NEGR1: variants seen among roughly 807,000 people sequenced by gnomAD.
The protein encoded by NEGR1 is neuronal growth regulator 1, also known as IgLON family member 4.
NEGR1 carries 10 observed loss-of-function variants against 40.9 expected under a neutral mutation model. The ratio of observed to expected loss-of-function variants is 0.24; its 90% CI spans 0.15 to 0.42. NEGR1 has a LOEUF of 0.42. Among genes scored for constraint, NEGR1 ranks in the 10% least tolerant of loss-of-function variants. NEGR1 has a pLI of 1.00. For missense variants in NEGR1, 352 were observed against 438.9 expected (o/e 0.80, Z 1.77); for synonymous variants, 185 against 166.8 (o/e 1.11, Z -0.84).
At chr1:72,047,468 C>A (rs1482134290) in intron 1 of NEGR1, among the ~76,000 whole-genome samples, 1 of 151,200 alleles carries the variant, frequency 6.6e-6, no homozygotes, top group East Asian at 1.9e-4. Context: ...TTAAAATATG[C>A]AAATTTTAAT....
At position 71,548,250 on chromosome 1, in the gene NEGR1, T is replaced by A. The variant is rs150457855; in HGVS notation, c.940+44567A>T. 2.6e-4 allele frequency among the ~76,000 whole-genome samples: 39 copies of A among 151,822 alleles called. No homozygotes were observed. In the East Asian group the frequency reaches 5.3e-3, roughly 21 times the overall value. On this transcript the variant is annotated intron_variant, in intron 6 of 6. Coordinates refer to ENST00000357731, the MANE Select transcript of NEGR1 (RefSeq NM_173808.3). ...TCAAAACATAACTAATACAGCTCCATCACTTATTTTCTGGAGATGGGGCTG... is the reference window on the plus strand; with the variant it reads ...TCAAAACATAACTAATACAGCTCCAACACTTATTTTCTGGAGATGGGGCTG...
At position 71,789,625 on chromosome 1, in the gene NEGR1, T is replaced by TA. The variant is rs571358683; in HGVS notation, c.410-13329dup. On this transcript the variant is annotated intron_variant, in intron 2 of 6. Coordinates refer to ENST00000357731, the MANE Select transcript of NEGR1 (RefSeq NM_173808.3). The stretch of plus-strand genomic sequence containing the variant: ...GTATAAAATATTTTCATATCCCAGA[T>TA]AAAAAATATCATGTATTTTTACTTT... Among the ~76,000 whole-genome samples, 394 of 152,214 alleles carry TA rather than the reference T, an allele frequency of 2.6e-3. 3 individuals are homozygous for TA. Among genetic ancestry groups the TA allele is most frequent in the African/African-American group, 9.1e-3 (380 of 41,556 alleles).
At chr1:72,066,797 C>A (rs1446050085) in intron 1 of NEGR1, among the ~76,000 whole-genome samples, 1 of 152,064 alleles carries the variant, frequency 6.6e-6, no homozygotes, top group African/African-American at 2.4e-5. Flanking sequence ...GTTTAAGACA[C>A]CCAGTCTGTG....
chr1:71,506,807 A>T (rs1647037668), intron 6 of NEGR1, among the ~76,000 whole-genome samples: 1 of 152,152 alleles, frequency 6.6e-6, no homozygotes, highest in African/African-American at 2.4e-5. Flanking sequence ...AAACAAAAAC[A>T]AAAACAAAAA....
chr1:71,438,815 C>T (rs1403971751), intron 6 of NEGR1, among the ~76,000 whole-genome samples: 1 of 152,174 alleles, frequency 6.6e-6, no homozygotes, highest in Non-Finnish European at 1.5e-5. Context: ...TGGCCAGAAC[C>T]TGAATATGCT....
At chr1:71,682,078 C>G (rs911453276) in intron 4 of NEGR1, among the ~76,000 whole-genome samples, 6 of 152,176 alleles carry the variant, frequency 3.9e-5, no homozygotes, top group African/African-American at 1.2e-4. Context: ...CCACCCATCT[C>G]AGCCTCTCAA....
intron 6 of NEGR1, among the ~76,000 whole-genome samples, chr1:71,470,635 A>G (rs1304948773): frequency 1.3e-5 from 2 of 152,048 alleles, no homozygotes; most frequent in East Asian, 1.9e-4. Flanking sequence ...TGCAGGTTCA[A>G]CTGTTGTGTA....
chr1:71,846,724 C>G (rs1054965855), intron 2 of NEGR1, among the ~76,000 whole-genome samples: 3 of 152,170 alleles, frequency 2.0e-5, no homozygotes, highest in Admixed American at 6.5e-5. Flanking sequence ...AAAGTGGCAG[C>G]AGGCTCTGTG....
intron 1 of NEGR1, among the ~76,000 whole-genome samples, chr1:72,070,593 A>G (rs574492312): frequency 1.5e-4 from 23 of 152,172 alleles, no homozygotes; most frequent in African/African-American, 5.5e-4. Flanking sequence ...AAAAACAGTA[A>G]AATATAAGGT....
intron 6 of NEGR1, among the ~76,000 whole-genome samples, chr1:71,567,279 A>T (rs1480040655): frequency 6.6e-6 from 1 of 152,128 alleles, no homozygotes; most frequent in African/African-American, 2.4e-5. Context: ...TAAGTATTGC[A>T]GAGTTTAAGG....
chr1:72,247,944 A>G (rs1385836666), intron 1 of NEGR1, among the ~76,000 whole-genome samples: 3 of 152,090 alleles, frequency 2.0e-5, no homozygotes, highest in African/African-American at 4.8e-5. Flanking sequence ...GAAGCTTACA[A>G]TCATGGTGGA....
intron 2 of NEGR1, among the ~76,000 whole-genome samples, chr1:71,812,856 T>C (rs1281616196): frequency 6.6e-6 from 1 of 152,160 alleles, no homozygotes; most frequent in Non-Finnish European, 1.5e-5. Flanking sequence ...TTCTGTAGAC[T>C]GTCTGTTCAC....
At chr1:71,503,564 G>T (rs753637217) in intron 6 of NEGR1, among the ~76,000 whole-genome samples, 2 of 152,140 alleles carry the variant, frequency 1.3e-5, no homozygotes, top group South Asian at 4.1e-4. Context: ...CAGTGTAAGA[G>T]GGATGTTGAG....
chr1:71,578,246 C>G (rs1230150475), intron 6 of NEGR1, among the ~76,000 whole-genome samples: 4 of 151,986 alleles, frequency 2.6e-5, no homozygotes, highest in African/African-American at 9.7e-5. Flanking sequence ...TAGGCTGGGA[C>G]TAGAGATGTA....
At chr1:71,652,761 G>T (rs1473799644) in intron 4 of NEGR1, among the ~76,000 whole-genome samples, 1 of 151,990 alleles carries the variant, frequency 6.6e-6, no homozygotes, top group Non-Finnish European at 1.5e-5. Flanking sequence ...CTACATGAAG[G>T]GCTGAGGTGG....
intron 1 of NEGR1, among the ~76,000 whole-genome samples, chr1:72,035,436 T>C (rs1197895909): frequency 5.9e-5 from 9 of 152,316 alleles, no homozygotes; most frequent in Non-Finnish European, 2.9e-5. Flanking sequence ...ATCACTTCCC[T>C]TTGTTTAAAC....
intron 6 of NEGR1, among the ~76,000 whole-genome samples, chr1:71,552,629 A>C (rs1648124721): frequency 6.7e-6 from 1 of 149,688 alleles, no homozygotes; most frequent in South Asian, 2.1e-4. Context: ...TATTAGGAGA[A>C]TATATATACA....
At chr1:72,056,819 C>T (rs1268625506) in intron 1 of NEGR1, among the ~76,000 whole-genome samples, 1 of 151,440 alleles carries the variant, frequency 6.6e-6, no homozygotes, top group Non-Finnish European at 1.5e-5. Flanking sequence ...ATCATAGTTT[C>T]TCTGCTTGCC....
At chr1:71,614,873 C>T (rs187127867) in intron 4 of NEGR1, among the ~76,000 whole-genome samples, 137 of 152,222 alleles carry the variant, frequency 9.0e-4, no homozygotes, top group Non-Finnish European at 1.6e-3. Flanking sequence ...CTTTACCACA[C>T]AAGTTAAAGG....
Sources: allele counts gnomAD v4.1 joint callset (sites outside exome capture counted in the v4.1 genomes callset), GRCh38; gene constraint gnomAD v4.1.1; transcripts MANE v1.5; gene names NCBI Gene and HGNC (gene_info 2026-07-23, HGNC 2026-07-21).